Variants in ABCC9 observed in about 807,000 individuals in gnomAD.
The protein encoded by ABCC9 is ATP-binding cassette sub-family C member 9.
Under a neutral mutation model 188.3 loss-of-function variants are expected in ABCC9, and 95 were observed. The observed-to-expected ratio is 0.50, with a 90% CI of 0.43 to 0.60. The LOEUF is 0.60. Ranked by LOEUF, ABCC9 falls within the 20% of genes least tolerant of loss-of-function variation. The probability of loss-of-function intolerance (pLI) is 0.00; values close to 1 mark genes in which losing one functional copy is unlikely to be tolerated. For synonymous variants in ABCC9, 659 were observed against 652.7 expected, an observed-to-expected ratio of 1.01 and a Z score of -0.15; for missense variants, 1,102 against 1,876.3, an observed-to-expected ratio of 0.59 and a Z score of 7.62.
In ABCC9 at chr12:21,913,077, A is replaced by T; in HGVS notation, c.817-11T>A. 6.3e-7 allele frequency: 1 copy of T among 1,594,400 alleles called. No individual in the cohort carries two copies. The highest frequency in any genetic ancestry group is 8.5e-7 in the Non-Finnish European group (1 of 1,173,448). Reference sequence around the variant, plus strand: ...ATCTGCAACTTTTTTCTGAAGAAAAAAAAAAGAAAAAAAAAACAGATGTAA... The same window carrying T: ...ATCTGCAACTTTTTTCTGAAGAAAATAAAAAGAAAAAAAAAACAGATGTAA... On this transcript the variant is annotated splice_polypyrimidine_tract_variant and intron_variant, in intron 7 of 39. Coordinates refer to ENST00000261200, the MANE Select transcript of ABCC9 (RefSeq NM_020297.4).
chr12:21,931,211 T>A (rs2138042193), intron 4 of ABCC9, among the ~76,000 whole-genome samples: 1 of 152,206 alleles, frequency 6.6e-6, no homozygotes, highest in African/African-American at 2.4e-5. Context: ...GTTCTCAACA[T>A]TATCAGTGAG....
chr12:21,836,158 C>T (rs534124336), intron 30 of ABCC9, among the ~76,000 whole-genome samples: 6 of 152,316 alleles, frequency 3.9e-5, no homozygotes, highest in Admixed American at 6.5e-5. Context: ...CTCCTGGAGT[C>T]TCCTTGTCTC....
intron 9 of ABCC9, 52 bp from the exon 10 acceptor site, chr12:21,910,364 C>T: frequency 6.8e-7 from 1 of 1,476,770 alleles, no homozygotes; most frequent in Non-Finnish European, 9.2e-7. Flanking sequence ...AAAATTGACA[C>T]TATGATTATT....
At chr12:21,837,067 A>G (rs1455000034) in intron 30 of ABCC9, among the ~76,000 whole-genome samples, 1 of 152,184 alleles carries the variant, frequency 6.6e-6, no homozygotes, top group Non-Finnish European at 1.5e-5. Flanking sequence ...ATTGAATTGA[A>G]AGGACTTATT....
chr12:21,821,479 G>GT (rs1943034563), intron 31 of ABCC9, among the ~76,000 whole-genome samples: 1 of 151,922 alleles, frequency 6.6e-6, no homozygotes, highest in African/African-American at 2.4e-5. Context: ...CTGTTGCTGT[G>GT]TTTTTTATAA....
At chr12:21,826,177 T>C (rs1277015451) in intron 31 of ABCC9, among the ~76,000 whole-genome samples, 1 of 152,082 alleles carries the variant, frequency 6.6e-6, no homozygotes, top group East Asian at 1.9e-4. Context: ...GTGAACTTAC[T>C]GAGTAATACA....
At chr12:21,901,770 T>A (rs564012237) in intron 12 of ABCC9, among the ~76,000 whole-genome samples, 1 of 152,282 alleles carries the variant, frequency 6.6e-6, no homozygotes, top group South Asian at 2.1e-4. Context: ...TAAATATATA[T>A]GCATCCAATA....
intron 24 of ABCC9, among the ~76,000 whole-genome samples, chr12:21,849,887 A>T (rs1944871728): frequency 1.3e-5 from 2 of 152,164 alleles, no homozygotes; most frequent in East Asian, 3.9e-4. Flanking sequence ...TAAATCAGCT[A>T]AAAGTGTTAA....
At chr12:21,893,885 C>A in intron 14 of ABCC9, 147 bp downstream of exon 14, 4 of 808,902 alleles carry the variant, frequency 4.9e-6, no homozygotes, top group South Asian at 2.3e-5. Flanking sequence ...AAATAAAAGA[C>A]TGAAAAGTAG....
chr12:21,844,203 AT>A (rs1194446523), intron 28 of ABCC9, among the ~76,000 whole-genome samples: 1 of 152,082 alleles, frequency 6.6e-6, no homozygotes, highest in Non-Finnish European at 1.5e-5. Context: ...AATCAAAACA[AT>A]TTTTTTATAA....
Position 21,818,146 on chromosome 12 carries a change from C to G in ABCC9, c.3771+4G>C, listed in dbSNP as rs766038215. The G allele has an allele frequency of 4.4e-6, 7 of 1,598,940 alleles. No homozygotes were observed. In the East Asian group the frequency reaches 1.6e-4, roughly 36 times the overall value. ...GTTCCTGTAATATTTTTATCCATAC[C>G]TACCGTAAGTGCATACAGAAGACCC... On this transcript the variant is annotated splice_donor_region_variant and intron_variant, in intron 32 of 39. Transcript: ENST00000261200.
At chr12:21,857,427 C>T (rs970796757) in intron 22 of ABCC9, among the ~76,000 whole-genome samples, 9 of 152,076 alleles carry the variant, frequency 5.9e-5, no homozygotes, top group Non-Finnish European at 7.4e-5. Context: ...TACTCAGAAG[C>T]AGATCTCAAT....
intron 5 of ABCC9, among the ~76,000 whole-genome samples, chr12:21,921,354 C>A (rs1429049509): frequency 6.6e-6 from 1 of 151,978 alleles, no homozygotes; most frequent in Non-Finnish European, 1.5e-5. Flanking sequence ...ACACGTTTGC[C>A]ATTCGTGTGT....
At chr12:21,931,692 T>C (rs1949296351) in intron 4 of ABCC9, among the ~76,000 whole-genome samples, 1 of 152,132 alleles carries the variant, frequency 6.6e-6, no homozygotes, top group Non-Finnish European at 1.5e-5. Context: ...TATTGGATGA[T>C]CTATCTTCTA....
chr12:21,806,106 T>A (rs1397137424), intron 38 of ABCC9, 46 bp from the exon 39 acceptor site: 3 of 1,552,950 alleles, frequency 1.9e-6, no homozygotes, highest in Non-Finnish European at 2.7e-6. Flanking sequence ...TACTTTGTCA[T>A]CATAATATTT....
chr12:21,906,241 G>A lies in ABCC9; in HGVS notation c.1503C>T (p.Gly501=). The A allele has an allele frequency of 1.2e-6, 2 of 1,612,696 alleles. No individual in the cohort carries two copies. The highest frequency in any genetic ancestry group is 1.7e-6 in the Non-Finnish European group (2 of 1,179,234). ...RLKKTNEILK[G]IKLLKLYAWE... ...AGGCATACAATTTTAGAAGTTTGAT[G>A]CCTTTCAATATTTCATTTGTTTTCT... Residue 501 remains glycine (G), a synonymous_variant, in exon 12 of 40, where the codon GGC becomes GGT. Coordinates refer to ENST00000261200, the MANE Select transcript of ABCC9 (RefSeq NM_020297.4).
chr12:21,819,139 A>G (rs892065078), intron 31 of ABCC9, among the ~76,000 whole-genome samples: 22 of 152,126 alleles, frequency 1.4e-4, no homozygotes, highest in African/African-American at 5.3e-4. Flanking sequence ...CTCATTTCCC[A>G]GCGTTCTTAG....
intron 30 of ABCC9, among the ~76,000 whole-genome samples, chr12:21,831,944 G>C (rs1943783969): frequency 6.6e-6 from 1 of 152,092 alleles, no homozygotes. Flanking sequence ...CTAGTTTTGG[G>C]ATATTGTTTC....
intron 18 of ABCC9, among the ~76,000 whole-genome samples, chr12:21,868,161 T>A (rs573329843): frequency 6.6e-6 from 1 of 152,246 alleles, no homozygotes; most frequent in East Asian, 1.9e-4. Context: ...TCAGACTAGG[T>A]CAAAGGAAGC....
Sources: allele counts gnomAD v4.1 joint callset (sites outside exome capture counted in the v4.1 genomes callset), GRCh38; gene constraint gnomAD v4.1.1; transcripts MANE v1.5; gene names NCBI Gene and HGNC (gene_info 2026-07-23, HGNC 2026-07-21).